Variants in KIF26A observed in about 807,000 individuals in gnomAD.
KIF26A encodes the protein kinesin family member 26A, also known as kinesin-like protein KIF26A.
Under a neutral mutation model 126.0 loss-of-function variants are expected in KIF26A, and 74 were observed. The ratio of observed to expected loss-of-function variants is 0.59; its 90% CI spans 0.49 to 0.71. The LOEUF is 0.71. Ranked by LOEUF, KIF26A falls within the 30% of genes least tolerant of loss-of-function variation. The pLI, the probability that KIF26A is intolerant of heterozygous loss-of-function variation, is 0.00. For synonymous variants in KIF26A, 1,445 were observed against 1,232.7 expected (o/e 1.17, Z -3.61); for missense variants, 2,984 against 2,763.3 (o/e 1.08, Z -1.79).
Position 104,151,928 on chromosome 14 carries a change from C to T in KIF26A, c.289-87C>T. On this transcript the variant is annotated intron_variant, in intron 2 of 14. Transcript: ENST00000423312. This position sits in a 1 kb window ranked among gnomAD's most constrained non-coding sequence, Gnocchi z 4.9. ...GTGGCCAGGCGGGAGCTCGCAGCGT[C>T]ATGGACGGTGAGAGTGCTGGTGGGC... 1 of 1,217,850 alleles carries T rather than the reference C, an allele frequency of 8.2e-7. No homozygotes were observed. Among genetic ancestry groups the T allele is most frequent in the South Asian group, 1.2e-5 (1 of 81,814 alleles). 75.4% of individuals were successfully genotyped at this position (1,217,850 alleles called of 1,614,324 possible).
chr14:104,167,101 A>G, intron 5 of KIF26A, 53 bp downstream of exon 5: 1 of 1,437,808 alleles, frequency 7.0e-7, no homozygotes. Flanking sequence ...GAGGCGTCTG[A>G]GAAGACGCAG....
At chr14:104,165,977 C>T (rs1238113914) in intron 4 of KIF26A, among the ~76,000 whole-genome samples, 1 of 152,162 alleles carries the variant, frequency 6.6e-6, no homozygotes, top group Admixed American at 6.5e-5. Context: ...CCTGGAGGTC[C>T]TGTGGTCCGG....
chr14:104,157,002 AG>A (rs2037785033), intron 3 of KIF26A, among the ~76,000 whole-genome samples: 1 of 151,950 alleles, frequency 6.6e-6, no homozygotes, highest in Non-Finnish European at 1.5e-5. Flanking sequence ...GGCCGGGGCG[AG>A]GGGTGGCCAG....
In KIF26A at chr14:104,180,152, T is replaced by C. The variant is rs577005667; in HGVS notation, c.*362T>C. The C allele has an allele frequency of 2.4e-5, 5 of 205,158 alleles. No individual in the cohort carries two copies. In the South Asian group the frequency reaches 8.6e-4, roughly 35 times the overall value. The allele number at this position is 205,158 out of a possible 1,614,324, so 12.7% of individuals were successfully genotyped here. On this transcript the variant is annotated 3_prime_UTR_variant, in exon 15 of 15. Transcript: ENST00000423312. ...CCGGGGCTGGCGCCGGTTGTGTTTG[T>C]GTCCACCTTGCCTTCTTTGCAGCCA...
chr14:104,147,861 G>A (rs1208020082), intron 2 of KIF26A, among the ~76,000 whole-genome samples: 2 of 152,198 alleles, frequency 1.3e-5, no homozygotes, highest in African/African-American at 4.8e-5. Flanking sequence ...TCGGGGAGGG[G>A]CTTCGGGGCC....
Position 104,138,688 on chromosome 14 carries a change from G to C in KIF26A, c.-35G>C. On this transcript the variant is annotated 5_prime_UTR_variant, in exon 1 of 15. Coordinates refer to ENST00000423312, the MANE Select transcript of KIF26A (RefSeq NM_015656.2). ...GCGCCCCCGGAGAGCCAGCGTGGCC[G>C]GGAGCGCCTGCCGGGCTCTTCCCGC... The C allele has an allele frequency of 7.9e-7, 1 of 1,264,030 alleles. No individual in the cohort carries two copies. Among genetic ancestry groups the C allele is most frequent in the Non-Finnish European group, 1.0e-6 (1 of 1,003,396 alleles). 78.3% of individuals were successfully genotyped at this position (1,264,030 alleles called of 1,614,324 possible). A position where few individuals can be genotyped will look rare whatever the true frequency, so the allele number is the denominator to read the frequency against.
Position 104,180,761 on chromosome 14 carries a change from T to G in KIF26A, c.*971T>G, listed in dbSNP as rs1280934288. 1.3e-5 allele frequency: 2 copies of G among 154,268 alleles called. No individual in the cohort carries two copies. Among genetic ancestry groups the G allele is most frequent in the Non-Finnish European group, 2.9e-5 (2 of 68,196 alleles). The allele number at this position is 154,268 out of a possible 1,614,324, so 9.6% of individuals were successfully genotyped here. On this transcript the variant is annotated 3_prime_UTR_variant, in exon 15 of 15. Transcript: ENST00000423312. ...GACGAGGGGTGAGCCTGCCAGCGTT[T>G]GCGACGTCCCCGCACGACAGGCTCA...
intron 2 of KIF26A, among the ~76,000 whole-genome samples, chr14:104,141,480 C>T (rs1210095426): frequency 6.6e-6 from 1 of 152,176 alleles, no homozygotes; most frequent in African/African-American, 2.4e-5. Context: ...TATTAGAGGC[C>T]CTCGCCTCCG....
At chr14:104,158,854 G>A (rs1307082247) in intron 4 of KIF26A, among the ~76,000 whole-genome samples, 3 of 152,210 alleles carry the variant, frequency 2.0e-5, no homozygotes, top group Admixed American at 6.5e-5. Context: ...TCCTGATGGT[G>A]TAAGGATGCG....
Position 104,179,932 on chromosome 14 carries a change from G to C in KIF26A, c.*142G>C. 1.1e-6 allele frequency: 1 copy of C among 924,056 alleles called. No individual in the cohort carries two copies. Among genetic ancestry groups the C allele is most frequent in the Non-Finnish European group, 1.6e-6 (1 of 644,650 alleles). 57.2% of individuals were successfully genotyped at this position (924,056 alleles called of 1,614,324 possible). ...ACGGGAGTCTCAGAGAGGAGACGGA[G>C]TGTGGGGGAGGGAGGGCCGGCCACG... On this transcript the variant is annotated 3_prime_UTR_variant, in exon 15 of 15. Coordinates refer to ENST00000423312, the MANE Select transcript of KIF26A (RefSeq NM_015656.2).
intron 2 of KIF26A, among the ~76,000 whole-genome samples, chr14:104,147,352 G>A (rs1300794939): frequency 1.3e-5 from 2 of 152,230 alleles, no homozygotes; most frequent in East Asian, 3.9e-4. Context: ...GCCTGGCACA[G>A]GCCCTTGGGG....
chr14:104,157,264 G>A (rs190673277), intron 3 of KIF26A, among the ~76,000 whole-genome samples: 206 of 152,288 alleles, frequency 1.4e-3, no homozygotes, highest in African/African-American at 3.8e-3. Context: ...ATGAGGGAGC[G>A]CCACACATCA....
At chr14:104,145,714 G>T (rs1471792527) in intron 2 of KIF26A, among the ~76,000 whole-genome samples, 1 of 152,142 alleles carries the variant, frequency 6.6e-6, no homozygotes, top group African/African-American at 2.4e-5. Flanking sequence ...TTCGGTTCAC[G>T]GCTGTAGCCC....
chr14:104,153,237 C>T (rs970053277), intron 3 of KIF26A, among the ~76,000 whole-genome samples: 4 of 152,118 alleles, frequency 2.6e-5, no homozygotes, highest in Non-Finnish European at 5.9e-5. Context: ...CTGGCCTTGG[C>T]ACTAGCTGCC....
At chr14:104,155,540 C>A (rs1463577052) in intron 3 of KIF26A, among the ~76,000 whole-genome samples, 1 of 152,120 alleles carries the variant, frequency 6.6e-6, no homozygotes, top group Non-Finnish European at 1.5e-5. Flanking sequence ...CGCCCGCCCC[C>A]CCTCTCTTCT....
chr14:104,149,252 C>T (rs2037706148), intron 2 of KIF26A, among the ~76,000 whole-genome samples: 1 of 152,026 alleles, frequency 6.6e-6, no homozygotes. Context: ...CCCATGGAGC[C>T]TGCTGGGTCG....
chr14:104,167,195 G>A lies in KIF26A; in HGVS notation c.1113+147G>A, dbSNP rs1225859566. On this transcript the variant is annotated intron_variant, in intron 5 of 14. Coordinates refer to ENST00000423312, the MANE Select transcript of KIF26A (RefSeq NM_015656.2). ...AGTGGGGTGCCATGGGGAGACTGAGGCCCAGGTGGCAGCAGGGAGCCTGGG... is the reference window on the plus strand; with the variant it reads ...AGTGGGGTGCCATGGGGAGACTGAGACCCAGGTGGCAGCAGGGAGCCTGGG... The A allele has an allele frequency of 4.6e-6, 4 of 872,872 alleles. No individual in the cohort carries two copies. In the East Asian group the frequency reaches 8.8e-5, roughly 19 times the overall value. 54.1% of individuals were successfully genotyped at this position (872,872 alleles called of 1,614,324 possible).
chr14:104,152,398 G>A lies in KIF26A; in HGVS notation c.672G>A (p.Gln224=). 1.3e-6 allele frequency: 2 copies of A among 1,598,480 alleles called. No individual in the cohort carries two copies. The highest frequency in any genetic ancestry group is 1.7e-6 in the Non-Finnish European group (2 of 1,173,888). ...GALSTVTIQA[Q]QCLEGMWSVS... ...TGAGCACGGTCACCATCCAGGCCCA[G>A]CAGTGCCTGGAGGGCATGTGGAGTG... is the stretch of plus-strand genomic sequence containing the variant. Residue 224 remains glutamine, a synonymous_variant, in exon 3 of 15, where the codon CAG becomes CAA. Transcript: ENST00000423312. The surrounding 1 kb of genome is among the most constrained non-coding windows in gnomAD (Gnocchi z 5.9).
chr14:104,155,756 G>A (rs2037771133), intron 3 of KIF26A, among the ~76,000 whole-genome samples: 1 of 152,256 alleles, frequency 6.6e-6, no homozygotes, highest in Non-Finnish European at 1.5e-5. Context: ...AGTGTGGGGA[G>A]GCCCAGCTGG....
Sources: gnomAD v4.1 joint callset for allele counts (sites outside exome capture counted in the v4.1 genomes callset) on GRCh38, gnomAD v4.1.1 for gene constraint, Gnocchi (gnomAD v3.1) non-coding constraint, MANE v1.5 for transcripts, NCBI Gene and HGNC (gene_info 2026-07-23, HGNC 2026-07-21) for gene names.